Variants in FLOT2 observed in about 807,000 individuals in gnomAD.
FLOT2 encodes flotillin-2.
Under a neutral mutation model 54.9 loss-of-function variants are expected in FLOT2, and 35 were observed. The ratio of observed to expected loss-of-function variants is 0.64; its 90% CI spans 0.49 to 0.84. The LOEUF is 0.84. Ranked by LOEUF, FLOT2 falls within the 40% of genes least tolerant of loss-of-function variation. FLOT2 has a pLI of 0.00. For synonymous variants in FLOT2, 207 were observed against 228.9 expected, an observed-to-expected ratio of 0.90 and a Z score of 0.86; for missense variants, 464 against 572.1, an observed-to-expected ratio of 0.81 and a Z score of 1.93.
chr17:28,881,912 T>C lies in FLOT2; in HGVS notation c.816A>G (p.Ala272=). ...CCTTGTCCGTACGCAGGATCTCCTG[T>C]GCCTCCACGGCAATCTGTTTCTTGC... ...VQRKKQIAVE[A]QEILRTDKEL... The change falls in exon 8 of 11, where the codon GCA becomes GCG. Residue 272 remains alanine (A), a synonymous_variant. Transcript: ENST00000394908. 1 of 1,613,950 alleles carries C rather than the reference T, an allele frequency of 6.2e-7. No homozygotes were observed. Among genetic ancestry groups the C allele is most frequent in the Non-Finnish European group, 8.5e-7 (1 of 1,180,050 alleles).
Position 28,882,248 on chromosome 17 carries a change from A to G in FLOT2, c.580-11T>C, listed in dbSNP as rs1338432045. ...CTTGCACTCAGCTTCCTGGGGACAA[A>G]AGGGGCAGAAGGGGAAGGTGAGTGA... On this transcript the variant is annotated splice_polypyrimidine_tract_variant and intron_variant, in intron 6 of 10. Transcript: ENST00000394908. The surrounding 1 kb of genome is among the most constrained non-coding windows in gnomAD (Gnocchi z 5.6). 3 of 1,614,104 alleles carry G rather than the reference A, an allele frequency of 1.9e-6. No individual in the cohort carries two copies. The highest frequency in any genetic ancestry group is 1.3e-5 in the African/African-American group (1 of 75,036).
chr17:28,881,455 C>G (rs1298027757), intron 8 of FLOT2, 80 bp from the exon 9 acceptor site: 2 of 1,421,826 alleles, frequency 1.4e-6, no homozygotes, highest in African/African-American at 2.8e-5. Context: ...AGCAAACCTT[C>G]AAACCCTCTG....
rs775401852 is a variant in FLOT2, at chr17:28,888,955, C to G, written c.121G>C (p.Asp41His). 5 of 1,614,014 alleles carry G rather than the reference C, an allele frequency of 3.1e-6. No homozygotes were observed. In the Admixed American group the frequency reaches 6.7e-5, roughly 22 times the overall value. Residue 41 changes from aspartate to histidine, a missense_variant, in exon 2 of 11, where the codon GAC (aspartate) becomes CAC (histidine). Physicochemically the swap from Asp to His is moderately conservative, Grantham distance 81. Transcript: ENST00000394908. Reference sequence around the variant, plus strand: ...CCCCCAGGTGCTTACCTCTGAGTGTCGGAGATACACCACCAGGCCCAGGCC... The same window carrying G: ...CCCCCAGGTGCTTACCTCTGAGTGTGGGAGATACACCACCAGGCCCAGGCC... Reference protein sequence around the residue: ...GWAWAWWCISDTQRISLEIMT... With the variant: ...GWAWAWWCISHTQRISLEIMT...
rs1043148239 is a variant in FLOT2, at chr17:28,879,688, A to C, written c.*873T>G. Reference sequence around the variant, plus strand: ...GGGTTGGCACAGCCTTGTCCACCAGAAGGGCCCAACACCCAGGACAGTGCA... The same window carrying C: ...GGGTTGGCACAGCCTTGTCCACCAGCAGGGCCCAACACCCAGGACAGTGCA... On this transcript the variant is annotated 3_prime_UTR_variant, in exon 11 of 11. Transcript: ENST00000394908. 7 of 985,982 alleles carry C rather than the reference A, an allele frequency of 7.1e-6. No individual in the cohort carries two copies. The South Asian group carries it at 3.3e-4, about 46-fold the overall frequency. 61.1% of individuals were successfully genotyped at this position (985,982 alleles called of 1,614,324 possible).
chr17:28,882,253 G>A lies in FLOT2; in HGVS notation c.580-16C>T, dbSNP rs776183781. 1 of 1,613,994 alleles carries A rather than the reference G, an allele frequency of 6.2e-7. No individual in the cohort carries two copies. The highest frequency in any genetic ancestry group is 8.5e-7 in the Non-Finnish European group (1 of 1,180,028). On this transcript the variant is annotated splice_polypyrimidine_tract_variant and intron_variant, in intron 6 of 10. Coordinates refer to ENST00000394908, the MANE Select transcript of FLOT2 (RefSeq NM_004475.3). This position sits in a 1 kb window ranked among gnomAD's most constrained non-coding sequence, Gnocchi z 5.6. ...ACTCAGCTTCCTGGGGACAAAAGGG[G>A]CAGAAGGGGAAGGTGAGTGAGTAGA...
chr17:28,889,308 C>T (rs1280665475), intron 1 of FLOT2, among the ~76,000 whole-genome samples: 1 of 151,236 alleles, frequency 6.6e-6, no homozygotes, highest in African/African-American at 2.4e-5. Context: ...CAGAACAGGA[C>T]AATGGGCAGA....
intron 2 of FLOT2, chr17:28,885,887 C>A: frequency 6.5e-7 from 1 of 1,550,156 alleles, no homozygotes; most frequent in Non-Finnish European, 8.7e-7. Context: ...ATAGTGGAAC[C>A]CCCTCCGACG....
chr17:28,897,507 T>G lies in FLOT2; in HGVS notation c.49+19A>C, dbSNP rs745536640. ...CCGAGCACCCTCCACAGCTCCCACC[T>G]TCCTCGCCGCCCCCTCACCTGAAAC... On this transcript the variant is annotated intron_variant, in intron 1 of 10. Coordinates refer to ENST00000394908, the MANE Select transcript of FLOT2 (RefSeq NM_004475.3). The surrounding 1 kb of genome is among the most constrained non-coding windows in gnomAD (Gnocchi z 4.4). 3.1e-6 allele frequency: 5 copies of G among 1,599,268 alleles called. No individual in the cohort carries two copies. The East Asian group carries it at 1.1e-4, about 37-fold the overall frequency.
chr17:28,886,796 G>T (rs1295230549), intron 2 of FLOT2, among the ~76,000 whole-genome samples: 1 of 152,188 alleles, frequency 6.6e-6, no homozygotes, highest in Non-Finnish European at 1.5e-5. Flanking sequence ...AGGTGGAGGG[G>T]GTGATAAGGA....
At chr17:28,890,270 T>C (rs1417185195) in intron 1 of FLOT2, among the ~76,000 whole-genome samples, 3 of 152,232 alleles carry the variant, frequency 2.0e-5, no homozygotes, top group African/African-American at 4.8e-5. Flanking sequence ...AGGAAGTGGT[T>C]CTTGGAAACA....
At chr17:28,886,064 G>GGGGGGGGGGGT in intron 2 of FLOT2, 1 of 601,678 alleles carries the variant, frequency 1.7e-6, no homozygotes, top group Non-Finnish European at 3.1e-6. Context: ...GGGGCGGGGG[G>GGGGGGGGGGGT]GGGCATGCTG....
chr17:28,882,430 G>T lies in FLOT2; in HGVS notation c.486C>A (p.Asp162Glu). 1.2e-6 allele frequency: 2 copies of T among 1,614,032 alleles called. No individual in the cohort carries two copies. Among genetic ancestry groups the T allele is most frequent in the Non-Finnish European group, 1.7e-6 (2 of 1,179,998 alleles). ...FTIKDVYDKVDYLSSLGKTQT... is the reference protein window; with the variant it reads ...FTIKDVYDKVEYLSSLGKTQT... The stretch of plus-strand genomic sequence containing the variant: ...GCGTCTTGCCCAGGGAGCTCAGATA[G>T]TCCACTTTGTCATACACGTCCTGGG... The change falls in exon 6 of 11, where the codon GAC becomes GAA. Residue 162 changes from aspartate to glutamate, a missense_variant. Transcript: ENST00000394908. This position sits in a 1 kb window ranked among gnomAD's most constrained non-coding sequence, Gnocchi z 5.6.
At position 28,881,659 on chromosome 17, in the gene FLOT2, A is replaced by C. The variant is rs192546865; in HGVS notation, c.914+155T>G. The C allele has an allele frequency of 4.4e-4, 316 of 717,550 alleles. 2 individuals are homozygous for C. The African/African-American group carries it at 5.2e-3, about 12-fold the overall frequency. The allele number at this position is 717,550 out of a possible 1,614,324, so 44.4% of individuals were successfully genotyped here. Reference sequence around the variant, plus strand: ...TTAGTCTTCCCAACAGCAGTCCCACAGGGGACATGGGGTTATCCTCACTTC... The same window carrying C: ...TTAGTCTTCCCAACAGCAGTCCCACCGGGGACATGGGGTTATCCTCACTTC... On this transcript the variant is annotated intron_variant, in intron 8 of 10. Transcript: ENST00000394908.
In FLOT2 at chr17:28,897,444, C is replaced by T; in HGVS notation, c.49+82G>A. On this transcript the variant is annotated intron_variant, in intron 1 of 10. Transcript: ENST00000394908. The surrounding 1 kb of genome is among the most constrained non-coding windows in gnomAD (Gnocchi z 4.4). ...CTGCGCCGCGCGGTGGACTCAGGCC[C>T]AGCTCTTCCCCGTGCACTCCCCAGC... The T allele has an allele frequency of 7.4e-7, 1 of 1,359,448 alleles. No homozygotes were observed. Among genetic ancestry groups the T allele is most frequent in the South Asian group, 1.3e-5 (1 of 76,628 alleles). The allele number at this position is 1,359,448 out of a possible 1,614,324, so 84.2% of individuals were successfully genotyped here.
rs534569068 is a variant in FLOT2, at chr17:28,893,851, GA to G, written c.49+3674del. ...TGTTTCACTCTGACTACCAGTGCAT[GA>G]AACCCCTGTTACGTATCCCCTAGAT... On this transcript the variant is annotated intron_variant, in intron 1 of 10. Coordinates refer to ENST00000394908, the MANE Select transcript of FLOT2 (RefSeq NM_004475.3). Among the ~76,000 whole-genome samples the G allele has an allele frequency of 1.8e-3, 272 of 152,340 alleles. 2 individuals carry two copies. The highest frequency in any genetic ancestry group is 6.3e-3 in the African/African-American group (261 of 41,586).
rs779380672 is a variant in FLOT2 at position 28,881,324 on chromosome 17, G to A, written c.966C>T (p.Ile322=). 10 of 1,613,754 alleles carry A rather than the reference G, an allele frequency of 6.2e-6. No homozygotes were observed. Among genetic ancestry groups the A allele is most frequent in the East Asian group, 2.2e-5 (1 of 44,884 alleles). ...CGATGACTGCCGCTTCCGCCTCCCCGATTTTGCGGATCTTCTCAGCCTCTG... is the reference window on the plus strand; with the variant it reads ...CGATGACTGCCGCTTCCGCCTCCCCAATTTTGCGGATCTTCTCAGCCTCTG... ...AQAEAEKIRK[I]GEAEAAVIEA... Residue 322 remains isoleucine, a synonymous_variant, in exon 9 of 11, where the codon ATC becomes ATT. Transcript: ENST00000394908.
At position 28,884,231 on chromosome 17, in the gene FLOT2, G is replaced by A. The variant is rs756053914; in HGVS notation, c.216C>T (p.Val72=). The change falls in exon 3 of 11, where the codon GTC becomes GTT. Residue 72 remains valine (V), a synonymous_variant. Coordinates refer to ENST00000394908, the MANE Select transcript of FLOT2 (RefSeq NM_004475.3). This position sits in a 1 kb window ranked among gnomAD's most constrained non-coding sequence, Gnocchi z 5.1. ...AEGVALTVTG[V]AQVKIMTEKE... Reference sequence around the variant, plus strand: ...GGCTGCTGAGTTACTATACCTGGGCGACACCCGTCACAGTTAAAGCTACCC... The same window carrying A: ...GGCTGCTGAGTTACTATACCTGGGCAACACCCGTCACAGTTAAAGCTACCC... 2.5e-6 allele frequency: 4 copies of A among 1,611,278 alleles called. No homozygotes were observed. Among genetic ancestry groups the A allele is most frequent in the Non-Finnish European group, 3.4e-6 (4 of 1,177,626 alleles).
chr17:28,895,086 T>C (rs1798192673), intron 1 of FLOT2, among the ~76,000 whole-genome samples: 1 of 151,940 alleles, frequency 6.6e-6, no homozygotes, highest in African/African-American at 2.4e-5. Flanking sequence ...TAATTTTTTT[T>C]TTTTTTGGTA....
Position 28,884,165 on chromosome 17 carries a change from A to T in FLOT2, c.222+60T>A. On this transcript the variant is annotated intron_variant, in intron 3 of 10. Coordinates refer to ENST00000394908, the MANE Select transcript of FLOT2 (RefSeq NM_004475.3). The surrounding 1 kb of genome is among the most constrained non-coding windows in gnomAD (Gnocchi z 5.1). ...CTGCTGTCCTCTCCTCCTCCCCCCGAACCCGAGTACGGGACCAGGCAGCTC... is the reference window on the plus strand; with the variant it reads ...CTGCTGTCCTCTCCTCCTCCCCCCGTACCCGAGTACGGGACCAGGCAGCTC... 7.8e-7 allele frequency: 1 copy of T among 1,286,892 alleles called. No homozygotes were observed. Among genetic ancestry groups the T allele is most frequent in the Non-Finnish European group, 1.1e-6 (1 of 883,440 alleles). The allele number at this position is 1,286,892 out of a possible 1,614,324, so 79.7% of individuals were successfully genotyped here.
Sources: allele counts gnomAD v4.1 joint callset (sites outside exome capture counted in the v4.1 genomes callset), GRCh38; gene constraint gnomAD v4.1.1; non-coding constraint Gnocchi (gnomAD v3.1); transcripts MANE v1.5; gene names NCBI Gene and HGNC (gene_info 2026-07-23, HGNC 2026-07-21).